FBXO27: variants seen among roughly 807,000 people sequenced by gnomAD.
The protein encoded by FBXO27 is F-box only protein 27.
In FBXO27, 28 loss-of-function variants were observed where a neutral mutation model predicts 28.3. That is an observed-to-expected ratio of 0.99 (90% CI 0.73 to 1.36). The LOEUF is 1.36. Ranked by LOEUF, FBXO27 falls within the 40% of genes most tolerant of loss-of-function variation. The pLI is 0.00. For missense variants in FBXO27, 388 were observed against 394.1 expected (o/e 0.98, Z 0.13); for synonymous variants, 175 against 167.3 (o/e 1.05, Z -0.36).
In FBXO27 at chr19:39,032,176, G is replaced by A; in HGVS notation, c.52C>T (p.Pro18Ser). Residue 18 changes from proline to serine, a missense_variant, in exon 2 of 6, where the codon CCG becomes TCG. Transcript: ENST00000292853. The surrounding 1 kb of genome is among the most constrained non-coding windows in gnomAD (Gnocchi z 4.7). ...GRAARVPAPE[P>S]EPEEALDLSQ... is the part of the protein sequence containing the mutation. ...AGGTCCAGCGCCTCTTCGGGTTCCGGCTCCGGCGCGGGGACCCGGGCGGCC... is the reference window on the plus strand; with the variant it reads ...AGGTCCAGCGCCTCTTCGGGTTCCGACTCCGGCGCGGGGACCCGGGCGGCC... 2.0e-6 allele frequency: 3 copies of A among 1,507,550 alleles called. No individual in the cohort carries two copies. Among genetic ancestry groups the A allele is most frequent in the Non-Finnish European group, 2.6e-6 (3 of 1,132,576 alleles). 93.4% of individuals were successfully genotyped at this position (1,507,550 alleles called of 1,614,324 possible).
chr19:39,009,309 A>C (rs2144879623), intron 2 of FBXO27, among the ~76,000 whole-genome samples: 1 of 152,328 alleles, frequency 6.6e-6, no homozygotes, highest in Middle Eastern at 3.4e-3. Flanking sequence ...TATATGTAGG[A>C]GTGGAATTGC....
In FBXO27 at chr19:39,032,500, T is replaced by G; in HGVS notation, c.-27+3A>C. Reference sequence around the variant, plus strand: ...CGCACCGACACCGCACCCCAAGTCCTACCCCGGGGCCTGGCGGCGCTCCTC... The same window carrying G: ...CGCACCGACACCGCACCCCAAGTCCGACCCCGGGGCCTGGCGGCGCTCCTC... On this transcript the variant is annotated splice_donor_region_variant and intron_variant, in intron 1 of 5. Coordinates refer to ENST00000292853, the MANE Select transcript of FBXO27 (RefSeq NM_178820.5). The surrounding 1 kb of genome is among the most constrained non-coding windows in gnomAD (Gnocchi z 4.7). 2.1e-5 allele frequency: 8 copies of G among 385,704 alleles called. No individual in the cohort carries two copies. Among genetic ancestry groups the G allele is most frequent in the East Asian group, 4.9e-5 (1 of 20,208 alleles). The allele number at this position is 385,704 out of a possible 1,614,324, so 23.9% of individuals were successfully genotyped here.
Position 39,031,103 on chromosome 19 carries a change from G to T in FBXO27, c.498C>A (p.Val166=). The T allele has an allele frequency of 1.9e-6, 3 of 1,614,078 alleles. No homozygotes were observed. The highest frequency in any genetic ancestry group is 2.5e-6 in the Non-Finnish European group (3 of 1,179,992). Residue 166 remains valine, a synonymous_variant, in exon 4 of 6, where the codon GTC becomes GTA. Transcript: ENST00000292853. ...ACAGACCCTCCTCCTCTAGGTCCAA[G>T]ACCTGCTTCTTGCAACACCAGCTGG... ...TSFSWCCKKQ[V]LDLEEEGLWP... is the part of the protein sequence containing the mutation.
chr19:39,012,076 G>A (rs928132723), intron 2 of FBXO27, among the ~76,000 whole-genome samples: 4 of 150,702 alleles, frequency 2.7e-5, no homozygotes, highest in Admixed American at 6.6e-5. Flanking sequence ...CTCGTGATCC[G>A]CCCGTCTCGG....
intron 2 of FBXO27, among the ~76,000 whole-genome samples, chr19:39,006,474 G>A (rs1184324704): frequency 1.3e-5 from 2 of 151,976 alleles, no homozygotes; most frequent in Admixed American, 6.6e-5. Flanking sequence ...TAGGAGAGTC[G>A]CTTGAACCCG....
chr19:39,015,902 T>G (rs2072817340), intron 1 of FBXO27, among the ~76,000 whole-genome samples: 1 of 151,800 alleles, frequency 6.6e-6, no homozygotes, highest in Non-Finnish European at 1.5e-5. Context: ...AAACCCCGTC[T>G]CAACTAAAAA....
chr19:39,009,684 T>C (rs934090767), intron 2 of FBXO27, among the ~76,000 whole-genome samples: 18 of 152,174 alleles, frequency 1.2e-4, no homozygotes, highest in Non-Finnish European at 2.6e-4. Context: ...TTTATATATT[T>C]TGGATACTAG....
In FBXO27 at chr19:39,031,991, G is replaced by C; in HGVS notation, c.237C>G (p.Gly79=). The C allele has an allele frequency of 6.6e-7, 1 of 1,516,204 alleles. No individual in the cohort carries two copies. Among genetic ancestry groups the C allele is most frequent in the Non-Finnish European group, 8.8e-7 (1 of 1,141,868 alleles). The allele number at this position is 1,516,204 out of a possible 1,614,324, so 93.9% of individuals were successfully genotyped here. ...LILARDHGAT[G]RALLHLARSC... is the part of the protein sequence containing the mutation. The stretch of plus-strand genomic sequence containing the variant: ...TGCGGGCGAGGTGCAGCAGCGCGCG[G>C]CCGGTGGCGCCGTGGTCGCGGGCCA... The change falls in exon 2 of 6, where the codon GGC becomes GGG. Residue 79 remains glycine (G), a synonymous_variant. Transcript: ENST00000292853.
rs1390700678 is a variant in FBXO27 at position 39,013,611 on chromosome 19, CAGA to C, written c.252+773_252+775del. Among the ~76,000 whole-genome samples, 5 of 148,280 alleles carry C rather than the reference CAGA, an allele frequency of 3.4e-5. No individual in the cohort carries two copies. In the Admixed American group the frequency reaches 3.4e-4, roughly 10 times the overall value. On this transcript the variant is annotated intron_variant, in intron 2 of 2. Transcript: ENST00000598394. ...CACCACTGCACTCCAGCATGGGTGA[CAGA>C]AGGAGACTCCGTCTAAAAAAAAATT...
chr19:39,009,369 C>T (rs79515151), intron 2 of FBXO27, among the ~76,000 whole-genome samples: 3,068 of 152,234 alleles, frequency 0.02, 96 homozygotes, highest in African/African-American at 0.069. Flanking sequence ...AAATGACAAA[C>T]GGCTTTCTAA....
chr19:39,027,968 A>T (rs2072882165), intron 4 of FBXO27, among the ~76,000 whole-genome samples: 1 of 151,554 alleles, frequency 6.6e-6, no homozygotes, highest in African/African-American at 2.4e-5. Context: ...TGTCTGGGCG[A>T]GGTGGCTCAC....
intron 4 of FBXO27, among the ~76,000 whole-genome samples, chr19:39,029,269 T>TA (rs1008496106): frequency 6.8e-5 from 10 of 146,804 alleles, no homozygotes; most frequent in South Asian, 4.3e-4. Context: ...CTACTAAAAA[T>TA]AAAAAAAAAT....
At chr19:39,019,420 G>C (rs2072834599), downstream of FBXO27, among the ~76,000 whole-genome samples, 1 of 66,718 alleles carries the variant, frequency 1.5e-5, no homozygotes, top group Non-Finnish European at 2.6e-5. Flanking sequence ...GTGAGACTCT[G>C]TCTCAAAAAA....
chr19:39,007,739 C>A (rs2144878211), intron 2 of FBXO27, among the ~76,000 whole-genome samples: 1 of 152,224 alleles, frequency 6.6e-6, no homozygotes, highest in Non-Finnish European at 1.5e-5. Context: ...GCCTCCCAGG[C>A]TCAAGCGATC....
intron 1 of FBXO27, among the ~76,000 whole-genome samples, chr19:39,015,861 A>G (rs1259796390): frequency 6.6e-6 from 1 of 152,120 alleles, no homozygotes; most frequent in Admixed American, 6.6e-5. Context: ...GTTTGAGGTG[A>G]GGAGTTCAAG....
Position 39,027,062 on chromosome 19 carries a change from T to C in FBXO27, c.573-57A>G. 2 of 1,602,570 alleles carry C rather than the reference T, an allele frequency of 1.2e-6. 1 individual carries two copies. Among genetic ancestry groups the C allele is most frequent in the African/African-American group, 2.7e-5 (2 of 74,796 alleles). ...CTGCCACCCCATCTCTTTGGGTGTC[T>C]GCCTACCTTGTCCGAATGCCCTTCC... On this transcript the variant is annotated intron_variant, in intron 4 of 5. Transcript: ENST00000292853.
intron 2 of FBXO27, 98 bp from the exon 3 acceptor site, chr19:39,031,418 A>T: frequency 9.2e-7 from 1 of 1,087,292 alleles, no homozygotes; most frequent in Non-Finnish European, 1.3e-6. Flanking sequence ...CTCACAGTGC[A>T]GCTCACTCAC....
chr19:39,015,318 C>CAA lies in FBXO27; in HGVS notation c.92-773_92-772dup, dbSNP rs59646562. ...TGGGTGACAGAGCAAGACTCTGTCTCAAAAAAAAAAAAAAAAAAAAAAAAA... is the reference window on the plus strand; with the variant it reads ...TGGGTGACAGAGCAAGACTCTGTCTCAAAAAAAAAAAAAAAAAAAAAAAAAAA... On this transcript the variant is annotated intron_variant, in intron 1 of 2. Coordinates refer to the FBXO27 transcript ENST00000598394. 5.9e-3 allele frequency among the ~76,000 whole-genome samples: 216 copies of CAA among 36,454 alleles called. 36 individuals carry two copies. The highest frequency in any genetic ancestry group is 0.027 in the African/African-American group (200 of 7,470). 23.9% of individuals were successfully genotyped at this position (36,454 alleles called of 152,430 possible). A position where few individuals can be genotyped will look rare whatever the true frequency, so the allele number is the denominator to read the frequency against.
intron 2 of FBXO27, among the ~76,000 whole-genome samples, chr19:39,011,690 C>CT (rs2072794710): frequency 1.9e-4 from 2 of 10,624 alleles, no homozygotes; most frequent in Non-Finnish European, 7.2e-4. Context: ...GCAGAGATGG[C>CT]GGCGGGGGAG....
Sources: allele counts gnomAD v4.1 joint callset (sites outside exome capture counted in the v4.1 genomes callset), GRCh38; gene constraint gnomAD v4.1.1; non-coding constraint Gnocchi (gnomAD v3.1); transcripts MANE v1.5; gene names NCBI Gene and HGNC (gene_info 2026-07-23, HGNC 2026-07-21).